FGGY: variants seen among roughly 807,000 people sequenced by gnomAD.
FGGY encodes the protein FGGY carbohydrate kinase domain-containing protein.
Under a neutral mutation model 71.3 loss-of-function variants are expected in FGGY, and 72 were observed. That is an observed-to-expected ratio of 1.01 (90% CI 0.84 to 1.23). The LOEUF (loss-of-function observed/expected upper bound fraction) is 1.23. FGGY is among the 50% of genes most tolerant of loss of function. FGGY has a pLI of 0.00. For synonymous variants in FGGY, 251 were observed against 250.3 expected (o/e 1.00, Z -0.02); for missense variants, 668 against 682.3 (o/e 0.98, Z 0.23).
intron 9 of FGGY, among the ~76,000 whole-genome samples, chr1:59,620,656 C>A (rs1471232743): frequency 6.6e-6 from 1 of 151,944 alleles, no homozygotes; most frequent in Non-Finnish European, 1.5e-5. Context: ...CTATTGGCAT[C>A]TTGGCTTTCT....
At chr1:59,591,137 C>T (rs141719367) in intron 8 of FGGY, among the ~76,000 whole-genome samples, 18,747 of 152,138 alleles carry the variant, frequency 0.12, 1,334 homozygotes, top group South Asian at 0.3. Flanking sequence ...CATTCTTATA[C>T]ACCAATAACA....
intron 6 of FGGY, among the ~76,000 whole-genome samples, chr1:59,478,601 T>G (rs1191316311): frequency 6.6e-6 from 1 of 152,200 alleles, no homozygotes; most frequent in East Asian, 1.9e-4. Flanking sequence ...AGAGGATAAT[T>G]AAATAAAAGA....
intron 8 of FGGY, among the ~76,000 whole-genome samples, chr1:59,587,109 A>G (rs925115393): frequency 6.6e-6 from 1 of 152,204 alleles, no homozygotes; most frequent in Non-Finnish European, 1.5e-5. Flanking sequence ...TGCTTTTCCA[A>G]TGGGCTTAAA....
chr1:59,734,323 C>G (rs1201812185), intron 14 of FGGY, among the ~76,000 whole-genome samples: 1 of 152,124 alleles, frequency 6.6e-6, no homozygotes, highest in African/African-American at 2.4e-5. Flanking sequence ...CCCATCTCAC[C>G]TCCCAGGTAG....
At chr1:59,314,344 A>C (rs2044996267) in intron 1 of FGGY, among the ~76,000 whole-genome samples, 1 of 152,180 alleles carries the variant, frequency 6.6e-6, no homozygotes, top group Non-Finnish European at 1.5e-5. Context: ...TGAGGCCCAC[A>C]CTTTGAGTAA....
At chr1:59,759,625 G>A (rs996502822) in intron 15 of FGGY, among the ~76,000 whole-genome samples, 2 of 152,200 alleles carry the variant, frequency 1.3e-5, no homozygotes, top group Non-Finnish European at 2.9e-5. Flanking sequence ...CGGCACACAC[G>A]GTGCTTTAGC....
chr1:59,337,249 A>G (rs1164630168), intron 2 of FGGY, among the ~76,000 whole-genome samples: 1 of 152,136 alleles, frequency 6.6e-6, no homozygotes, highest in Non-Finnish European at 1.5e-5. Flanking sequence ...TGAGAGCCCC[A>G]GGCAGGCTGC....
chr1:59,738,348 G>A (rs955013029), intron 14 of FGGY, among the ~76,000 whole-genome samples: 1 of 152,128 alleles, frequency 6.6e-6, no homozygotes, highest in African/African-American at 2.4e-5. Context: ...ATGTAAACTC[G>A]GCCTTTGCCT....
At chr1:59,468,272 C>CAG (rs2092752152) in intron 6 of FGGY, among the ~76,000 whole-genome samples, 1 of 152,216 alleles carries the variant, frequency 6.6e-6, no homozygotes, top group African/African-American at 2.4e-5. Flanking sequence ...TACTAGCTAA[C>CAG]AGGCAATGAA....
chr1:59,421,263 A>G (rs971143616), intron 5 of FGGY, among the ~76,000 whole-genome samples: 1 of 152,252 alleles, frequency 6.6e-6, no homozygotes, highest in African/African-American at 2.4e-5. Flanking sequence ...AAAGTAAAAC[A>G]TAGGAGGCAT....
intron 8 of FGGY, among the ~76,000 whole-genome samples, chr1:59,598,096 C>A (rs2096541601): frequency 6.6e-6 from 1 of 152,102 alleles, no homozygotes. Flanking sequence ...ATAGAATAGA[C>A]CAATATGTGT....
At chr1:59,592,387 G>A (rs1049425771) in intron 8 of FGGY, among the ~76,000 whole-genome samples, 1 of 152,084 alleles carries the variant, frequency 6.6e-6, no homozygotes, top group Non-Finnish European at 1.5e-5. Context: ...CAATTCCTCA[G>A]GGATCTAGAA....
intron 1 of FGGY, among the ~76,000 whole-genome samples, chr1:59,300,909 A>G (rs968493810): frequency 6.6e-6 from 1 of 152,178 alleles, no homozygotes; most frequent in Non-Finnish European, 1.5e-5. Flanking sequence ...CAGGTAGTAT[A>G]AGTCCTTTAA....
intron 14 of FGGY, among the ~76,000 whole-genome samples, chr1:59,731,289 G>T (rs76200502): frequency 0.032 from 4,903 of 152,290 alleles, 264 homozygotes; most frequent in African/African-American, 0.11. Context: ...ATAAATGTGG[G>T]CTTCTGCTCT....
chr1:59,536,951 C>G (rs1250606712), intron 7 of FGGY, among the ~76,000 whole-genome samples: 1 of 151,956 alleles, frequency 6.6e-6, no homozygotes, highest in African/African-American at 2.4e-5. Flanking sequence ...CAGGGATGCC[C>G]TCTCTCACCA....
intron 6 of FGGY, among the ~76,000 whole-genome samples, chr1:59,509,600 CT>C: frequency 6.6e-6 from 1 of 152,272 alleles, no homozygotes; most frequent in South Asian, 2.1e-4. Flanking sequence ...TTACCTAGCC[CT>C]TTTGATAGTT....
intron 6 of FGGY, among the ~76,000 whole-genome samples, chr1:59,474,886 G>T (rs2093182762): frequency 6.6e-6 from 1 of 152,160 alleles, no homozygotes; most frequent in Admixed American, 6.5e-5. Flanking sequence ...AACTTTGGGT[G>T]AGTTACTTGA....
intron 5 of FGGY, among the ~76,000 whole-genome samples, chr1:59,402,107 G>A (rs1042769034): frequency 2.6e-5 from 4 of 152,218 alleles, no homozygotes; most frequent in African/African-American, 9.6e-5. Context: ...TAGCTAATGA[G>A]TTGGATATGT....
intron 4 of FGGY, among the ~76,000 whole-genome samples, chr1:59,375,987 C>T (rs768964170): frequency 6.6e-6 from 1 of 150,560 alleles, no homozygotes; most frequent in Non-Finnish European, 1.5e-5. Context: ...GGTCACTGGC[C>T]TTTGATTTCT....
Sources: gnomAD v4.1 joint callset for allele counts (sites outside exome capture counted in the v4.1 genomes callset) on GRCh38, gnomAD v4.1.1 for gene constraint, MANE v1.5 for transcripts, NCBI Gene and HGNC (gene_info 2026-07-23, HGNC 2026-07-21) for gene names.